Variants in DYSF observed in about 807,000 individuals in gnomAD.
The protein encoded by DYSF is dysferlin, also known as dystrophy-associated fer-1-like 1.
DYSF carries 212 observed loss-of-function variants against 274.9 expected under a neutral mutation model. The ratio of observed to expected loss-of-function variants is 0.77; its 90% CI spans 0.69 to 0.86. The LOEUF is 0.86. DYSF is among the 40% of genes least tolerant of loss of function. DYSF has a pLI of 0.00. For missense variants in DYSF, 2,666 were observed against 2,783.2 expected, an observed-to-expected ratio of 0.96 and a Z score of 0.95; for synonymous variants, 1,091 against 1,078.7, an observed-to-expected ratio of 1.01 and a Z score of -0.22.
intron 29 of DYSF, among the ~76,000 whole-genome samples, chr2:71,571,837 A>G (rs2092487713): frequency 7.3e-6 from 1 of 136,090 alleles, no homozygotes; most frequent in Non-Finnish European, 1.6e-5. Context: ...CACACCCAGC[A>G]CATGCACAGA....
intron 51 of DYSF, among the ~76,000 whole-genome samples, chr2:71,672,819 G>C (rs1195523546): frequency 1.3e-5 from 2 of 152,238 alleles, no homozygotes; most frequent in African/African-American, 4.8e-5. Context: ...GAAGGGCTGG[G>C]GCCCGGAAAA....
At chr2:71,665,020 G>C in intron 46 of DYSF, 142 bp from the exon 47 acceptor site, 1 of 1,317,492 alleles carries the variant, frequency 7.6e-7, no homozygotes, top group Non-Finnish European at 1.1e-6. Context: ...GCCCAGTCAT[G>C]GTGAGCAATC....
intron 39 of DYSF, 56 bp downstream of exon 39, chr2:71,612,862 C>A: frequency 6.4e-7 from 1 of 1,565,556 alleles, no homozygotes; most frequent in Non-Finnish European, 8.7e-7. Context: ...CAGGGCCAAG[C>A]TACCCTTCCT....
At chr2:71,582,106 CAAAAAAAAAAAAAAAAA>C (rs1159294834) in intron 30 of DYSF, among the ~76,000 whole-genome samples, 4 of 35,118 alleles carry the variant, frequency 1.1e-4, no homozygotes, top group African/African-American at 3.8e-4. Context: ...GACTCCGTCT[CAAAAAAAAAAAAAAAAA>C]AAAAAAAAAA....
intron 14 of DYSF, among the ~76,000 whole-genome samples, chr2:71,534,386 A>C (rs2089080798): frequency 6.6e-6 from 1 of 152,168 alleles, no homozygotes; most frequent in Non-Finnish European, 1.5e-5. Context: ...ATGGACTCCA[A>C]GGCCAGGGCT....
chr2:71,669,474 C>T (rs1256943730), intron 50 of DYSF, 131 bp from the exon 51 acceptor site: 1 of 1,201,582 alleles, frequency 8.3e-7, no homozygotes, highest in Non-Finnish European at 1.2e-6. Context: ...GTACATCGTG[C>T]CGATTTCCTG....
At chr2:71,520,731 T>G in intron 11 of DYSF, 58 bp from the exon 12 acceptor site, 1 of 1,517,106 alleles carries the variant, frequency 6.6e-7, no homozygotes, top group South Asian at 1.1e-5. Flanking sequence ...TTCCCGGATG[T>G]GGCCACAGCC....
intron 41 of DYSF, among the ~76,000 whole-genome samples, chr2:71,642,751 G>A (rs1314346788): frequency 3.3e-5 from 5 of 152,182 alleles, no homozygotes; most frequent in Admixed American, 2.0e-4. Flanking sequence ...TCATCCTACC[G>A]TCTCCCCAGG....
intron 1 of DYSF, 27 bp downstream of exon 1, chr2:71,466,960 A>C (rs1362165829): frequency 3.2e-6 from 5 of 1,546,866 alleles, no homozygotes; most frequent in Non-Finnish European, 4.4e-6. Flanking sequence ...TGCCGCGCCC[A>C]TGCTCGGGTG....
chr2:71,675,276 C>G (rs140082005), intron 52 of DYSF, among the ~76,000 whole-genome samples: 1 of 152,130 alleles, frequency 6.6e-6, no homozygotes, highest in Non-Finnish European at 1.5e-5. Flanking sequence ...CTGATTTGTA[C>G]ACTTAAAGTG....
At chr2:71,532,082 G>A (rs947596930) in intron 14 of DYSF, among the ~76,000 whole-genome samples, 1 of 152,134 alleles carries the variant, frequency 6.6e-6, no homozygotes, top group Non-Finnish European at 1.5e-5. Context: ...AACTGCTTGT[G>A]TTGTCTCATC....
intron 17 of DYSF, among the ~76,000 whole-genome samples, chr2:71,544,169 T>C (rs6739452): frequency 0.81 from 122,789 of 152,198 alleles, 50,999 homozygotes; most frequent in African/African-American, 0.89. Context: ...CTTATGGATG[T>C]GGTTTCCATA....
intron 41 of DYSF, among the ~76,000 whole-genome samples, chr2:71,641,060 T>G (rs868248168): frequency 6.6e-6 from 1 of 152,220 alleles, no homozygotes; most frequent in Non-Finnish European, 1.5e-5. Flanking sequence ...TGTCATTGGT[T>G]TCAGCCTCAT....
At chr2:71,652,196 T>C (rs376465070) in intron 42 of DYSF, among the ~76,000 whole-genome samples, 7 of 152,338 alleles carry the variant, frequency 4.6e-5, no homozygotes, top group South Asian at 4.1e-4. Flanking sequence ...AGTGAAACAC[T>C]AGGGCAGTCC....
chr2:71,643,580 C>T (rs1439959867), intron 41 of DYSF, among the ~76,000 whole-genome samples: 1 of 152,124 alleles, frequency 6.6e-6, no homozygotes, highest in Non-Finnish European at 1.5e-5. Flanking sequence ...GACATTTTCC[C>T]CTAAGAGCTA....
chr2:71,589,636 C>G lies in DYSF; in HGVS notation c.3446C>G (p.Ser1149Cys). ...DDKSEDSMSV[S>C]TLSFGVNRPT... ...AAGAGTGAAGATTCCATGTCCGTCTCCACCTTGAGCTTCGGTGTGAACAGA... is the reference window on the plus strand; with the variant it reads ...AAGAGTGAAGATTCCATGTCCGTCTGCACCTTGAGCTTCGGTGTGAACAGA... Residue 1149 changes from serine (S) to cysteine (C), a missense_variant, in exon 31 of 56, where the codon TCC (serine) becomes TGC (cysteine). Physicochemically the swap from Ser to Cys is moderately radical, Grantham distance 112 (BLOSUM62 -1). Around this residue, in one of 3 missense-constraint regions of DYSF, gnomAD observed 1,460 missense variants for 1,502.1 expected, o/e 0.97. Coordinates refer to ENST00000410020, the MANE Select transcript of DYSF (RefSeq NM_001130987.2). 1 of 1,614,158 alleles carries G rather than the reference C, an allele frequency of 6.2e-7. No homozygotes were observed. Among genetic ancestry groups the G allele is most frequent in the Non-Finnish European group, 8.5e-7 (1 of 1,180,024 alleles).
rs561087480 is a variant in DYSF, at chr2:71,617,989, G to A, written c.4465-2558G>A. ...GTAGAGGTGTTTGTGTGGTAGAGGT[G>A]AGGTATATGTGTGTGTGGTAGAGAT... On this transcript the variant is annotated intron_variant, in intron 40 of 55. Coordinates refer to ENST00000410020, the MANE Select transcript of DYSF (RefSeq NM_001130987.2). Among the ~76,000 whole-genome samples, 10 of 133,744 alleles carry A rather than the reference G, an allele frequency of 7.5e-5. No individual in the cohort carries two copies. The South Asian group carries it at 2.1e-3, about 28-fold the overall frequency. 87.7% of individuals were successfully genotyped at this position (133,744 alleles called of 152,430 possible). A position where few individuals can be genotyped will look rare whatever the true frequency, so the allele number is the denominator to read the frequency against.
intron 21 of DYSF, among the ~76,000 whole-genome samples, chr2:71,554,791 G>A (rs575635012): frequency 5.3e-5 from 8 of 152,200 alleles, no homozygotes; most frequent in Non-Finnish European, 1.2e-4. Context: ...GGAACCCCCT[G>A]CAGATGCTGG....
chr2:71,581,405 T>C (rs1192122022), intron 30 of DYSF, among the ~76,000 whole-genome samples: 1 of 152,214 alleles, frequency 6.6e-6, no homozygotes, highest in African/African-American at 2.4e-5. Flanking sequence ...CAATCAGCCC[T>C]GATTAGAAAG....
Sources: allele counts gnomAD v4.1 joint callset (sites outside exome capture counted in the v4.1 genomes callset), GRCh38; gene constraint gnomAD v4.1.1; regional missense constraint gnomAD v4.1.1; transcripts MANE v1.5; gene names NCBI Gene and HGNC (gene_info 2026-07-23, HGNC 2026-07-21).